Variants in NRXN3 observed in about 807,000 individuals in gnomAD.
NRXN3 encodes the protein neurexin III.
NRXN3 carries 32 observed loss-of-function variants against 137.6 expected under a neutral mutation model. That is an observed-to-expected ratio of 0.23 (90% CI 0.18 to 0.31). The LOEUF is 0.31. Ranked by LOEUF, NRXN3 falls within the 10% of genes least tolerant of loss-of-function variation. The probability of loss-of-function intolerance (pLI) is 1.00; values close to 1 mark genes in which losing one functional copy is unlikely to be tolerated. For synonymous variants in NRXN3, 798 were observed against 784.5 expected (o/e 1.02, Z -0.29); for missense variants, 1,574 against 2,062.5 (o/e 0.76, Z 4.59).
intron 16 of NRXN3, among the ~76,000 whole-genome samples, chr14:79,573,626 CT>C (rs1250375235): frequency 6.6e-6 from 1 of 152,086 alleles, no homozygotes; most frequent in Non-Finnish European, 1.5e-5. Context: ...AACCCTTTGC[CT>C]TGTGGCTTTT....
intron 4 of NRXN3, among the ~76,000 whole-genome samples, chr14:78,598,741 C>A (rs2097179143): frequency 6.6e-6 from 1 of 152,162 alleles, no homozygotes; most frequent in Non-Finnish European, 1.5e-5. Context: ...GCCAATATCT[C>A]GGTAATTGGC....
chr14:79,053,952 C>T (rs1425671758), intron 15 of NRXN3, among the ~76,000 whole-genome samples: 2 of 151,976 alleles, frequency 1.3e-5, no homozygotes, highest in African/African-American at 2.4e-5. Context: ...AAAGATTCCT[C>T]TTGCAGCTGG....
intron 15 of NRXN3, among the ~76,000 whole-genome samples, chr14:79,211,152 C>T (rs7149019): frequency 0.021 from 3,161 of 152,246 alleles, 107 homozygotes; most frequent in African/African-American, 0.073. Flanking sequence ...ACCCCACTAC[C>T]TGCTATTATT....
chr14:79,434,739 G>A (rs530024070), intron 15 of NRXN3, among the ~76,000 whole-genome samples: 1 of 152,300 alleles, frequency 6.6e-6, no homozygotes, highest in Admixed American at 6.5e-5. Context: ...TGAAAGTGAG[G>A]GAAGCAGGCA....
At chr14:79,519,768 CTT>C (rs200757761) in intron 16 of NRXN3, among the ~76,000 whole-genome samples, 91 of 119,340 alleles carry the variant, frequency 7.6e-4, no homozygotes, top group African/African-American at 2.1e-3. Context: ...AATAGTATTT[CTT>C]TTTTTTTTTT....
At chr14:78,635,768 G>A (rs61976135) in intron 4 of NRXN3, among the ~76,000 whole-genome samples, 11,625 of 152,100 alleles carry the variant, frequency 0.076, 536 homozygotes, top group Middle Eastern at 0.15. Context: ...TGTATATATT[G>A]TACAATTTTT....
At chr14:78,893,248 A>G (rs2099164375) in intron 10 of NRXN3, among the ~76,000 whole-genome samples, 1 of 151,960 alleles carries the variant, frequency 6.6e-6, no homozygotes, top group African/African-American at 2.4e-5. Context: ...TGTTGGCATA[A>G]TTGATTCCCT....
At chr14:78,980,247 C>T (rs1347266242) in intron 14 of NRXN3, among the ~76,000 whole-genome samples, 1 of 152,230 alleles carries the variant, frequency 6.6e-6, no homozygotes, top group Non-Finnish European at 1.5e-5. Flanking sequence ...AGAAGACAAA[C>T]TTGATATGGC....
chr14:78,219,353 G>A (rs933570226), intron 1 of NRXN3, among the ~76,000 whole-genome samples: 3 of 152,134 alleles, frequency 2.0e-5, no homozygotes. Flanking sequence ...TGGTTTCCAG[G>A]AGACATTGAA....
intron 10 of NRXN3, among the ~76,000 whole-genome samples, chr14:78,833,504 G>T (rs2098988094): frequency 6.6e-6 from 1 of 152,150 alleles, no homozygotes; most frequent in Non-Finnish European, 1.5e-5. Context: ...TAATCTGAGA[G>T]ATTCAAATAA....
intron 15 of NRXN3, among the ~76,000 whole-genome samples, chr14:79,366,248 G>A (rs1435433899): frequency 2.0e-5 from 3 of 152,116 alleles, no homozygotes; most frequent in South Asian, 2.1e-4. Context: ...CATATAATGT[G>A]AAATATCACA....
chr14:79,333,141 C>T (rs926422283), intron 15 of NRXN3, among the ~76,000 whole-genome samples: 1 of 152,094 alleles, frequency 6.6e-6, no homozygotes, highest in Non-Finnish European at 1.5e-5. Flanking sequence ...ACAGCAGCTA[C>T]CTTTGCAAAA....
At chr14:79,131,067 G>A (rs1418197702) in intron 15 of NRXN3, among the ~76,000 whole-genome samples, 1 of 152,126 alleles carries the variant, frequency 6.6e-6, no homozygotes, top group East Asian at 1.9e-4. Context: ...GGTTATTCTA[G>A]TTATATATTC....
intron 3 of NRXN3, among the ~76,000 whole-genome samples, chr14:78,281,825 C>T (rs537528666): frequency 1.8e-4 from 28 of 152,270 alleles, no homozygotes; most frequent in East Asian, 7.7e-4. Flanking sequence ...GCCAGGATCC[C>T]GGATCTGTCT....
At chr14:79,057,945 A>C (rs1239638022) in intron 15 of NRXN3, among the ~76,000 whole-genome samples, 1 of 152,188 alleles carries the variant, frequency 6.6e-6, no homozygotes, top group Non-Finnish European at 1.5e-5. Context: ...GTGATAATTG[A>C]TGAAGCAAGG....
intron 10 of NRXN3, among the ~76,000 whole-genome samples, chr14:78,880,404 G>A (rs1271763628): frequency 6.6e-6 from 1 of 152,106 alleles, no homozygotes; most frequent in Admixed American, 6.6e-5. Flanking sequence ...GGAACAAAGA[G>A]CCAGAGATGT....
Position 79,470,969 on chromosome 14 carries a change from T to A in NRXN3, c.3444+3567T>A, listed in dbSNP as rs1373814899. 1.1e-4 allele frequency among the ~76,000 whole-genome samples: 16 copies of A among 149,502 alleles called. No homozygotes were observed. The East Asian group carries it at 2.2e-3, about 20-fold the overall frequency. ...GAGAGAGAGTGTGTGTGTGTGTGTG[T>A]GTGTGTGTGTGTGTGTGTGTGTGTG... On this transcript the variant is annotated intron_variant, in intron 16 of 20. Coordinates refer to ENST00000335750, the MANE Select transcript of NRXN3 (RefSeq NM_001330195.2).
intron 15 of NRXN3, among the ~76,000 whole-genome samples, chr14:79,281,333 G>A (rs913721673): frequency 6.6e-6 from 1 of 152,130 alleles, no homozygotes; most frequent in Non-Finnish European, 1.5e-5. Flanking sequence ...GGTACGATGG[G>A]TTTTACTCCA....
intron 15 of NRXN3, among the ~76,000 whole-genome samples, chr14:79,376,615 T>C (rs1277040803): frequency 1.3e-5 from 2 of 152,136 alleles, no homozygotes; most frequent in Admixed American, 1.3e-4. Context: ...GGGTAGGCAT[T>C]GTATAAAGAT....
Sources: gnomAD v4.1 joint callset for allele counts (sites outside exome capture counted in the v4.1 genomes callset) on GRCh38, gnomAD v4.1.1 for gene constraint, MANE v1.5 for transcripts, NCBI Gene and HGNC (gene_info 2026-07-23, HGNC 2026-07-21) for gene names.